Variants in CADM2 observed in about 807,000 individuals in gnomAD.
CADM2 encodes cell adhesion molecule 2.
A neutral mutation model predicts 49.8 loss-of-function variants in CADM2; 12 were observed. That is an observed-to-expected ratio of 0.24 (90% CI 0.15 to 0.39). The LOEUF (loss-of-function observed/expected upper bound fraction) is 0.39. Ranked by LOEUF, CADM2 falls within the 10% of genes least tolerant of loss-of-function variation. The pLI is 1.00. For synonymous variants in CADM2, 214 were observed against 175.4 expected (o/e 1.22, Z -1.74); for missense variants, 378 against 492.3 (o/e 0.77, Z 2.20).
At chr3:85,069,642 T>G (rs2036649617) in intron 1 of CADM2, among the ~76,000 whole-genome samples, 1 of 152,148 alleles carries the variant, frequency 6.6e-6, no homozygotes, top group South Asian at 2.1e-4. Flanking sequence ...TCATCAATAT[T>G]TGTAATTTGC....
At chr3:85,942,057 A>C (rs1577721495) in intron 7 of CADM2, among the ~76,000 whole-genome samples, 1 of 152,128 alleles carries the variant, frequency 6.6e-6, no homozygotes, top group African/African-American at 2.4e-5. Flanking sequence ...TTGGGATTAC[A>C]AACAAGTTTC....
intron 1 of CADM2, among the ~76,000 whole-genome samples, chr3:85,659,556 G>T (rs2065334621): frequency 6.6e-6 from 1 of 152,092 alleles, no homozygotes. Context: ...CAGGAAAGCA[G>T]GCTATTAGAA....
At chr3:85,552,367 T>TGTTTTTTTTTTTTTTTG (rs1491385754) in intron 1 of CADM2, among the ~76,000 whole-genome samples, 2 of 4,210 alleles carry the variant, frequency 4.8e-4, no homozygotes, top group African/African-American at 9.5e-4. Context: ...CTTTGAAAAG[T>TGTTTTTTTTTTTTTTTG]TTTTTTTTTT....
intron 8 of CADM2, among the ~76,000 whole-genome samples, chr3:86,046,278 T>C (rs2324978): frequency 2.6e-5 from 4 of 152,178 alleles, no homozygotes; most frequent in African/African-American, 9.7e-5. Context: ...TTTTCTAAAA[T>C]TTAGAAGTAT....
intron 1 of CADM2, among the ~76,000 whole-genome samples, chr3:85,667,956 T>G (rs2065621345): frequency 6.6e-6 from 1 of 152,028 alleles, no homozygotes; most frequent in East Asian, 1.9e-4. Context: ...CAGCTCTTAC[T>G]ATCTATTTCT....
chr3:84,982,740 T>G (rs572819791), intron 1 of CADM2, among the ~76,000 whole-genome samples: 1,565 of 136,634 alleles, frequency 0.011, 18 homozygotes, highest in Non-Finnish European at 0.019. Context: ...TATATACATT[T>G]TTTGTTTTTT....
chr3:85,453,413 G>C (rs947719774), intron 1 of CADM2, among the ~76,000 whole-genome samples: 1 of 151,848 alleles, frequency 6.6e-6, no homozygotes, highest in South Asian at 2.1e-4. Flanking sequence ...AGTGGTTATC[G>C]TATTCTTAAT....
intron 1 of CADM2, among the ~76,000 whole-genome samples, chr3:85,464,405 C>T (rs2038395930): frequency 6.6e-6 from 1 of 152,068 alleles, no homozygotes; most frequent in African/African-American, 2.4e-5. Context: ...ATTCAGGTTT[C>T]TTGAAGATCA....
At chr3:85,152,604 T>C (rs1043365998) in intron 1 of CADM2, among the ~76,000 whole-genome samples, 5 of 152,154 alleles carry the variant, frequency 3.3e-5, no homozygotes, top group African/African-American at 1.2e-4. Context: ...AGTTTTTCAG[T>C]TCACCATATA....
At chr3:85,227,369 C>T (rs1003325422) in intron 1 of CADM2, among the ~76,000 whole-genome samples, 2 of 151,488 alleles carry the variant, frequency 1.3e-5, no homozygotes, top group Non-Finnish European at 2.9e-5. Flanking sequence ...ATTCCTTTAC[C>T]ATTATGTAAT....
intron 1 of CADM2, among the ~76,000 whole-genome samples, chr3:85,179,197 T>C (rs1348379285): frequency 6.6e-6 from 1 of 151,952 alleles, no homozygotes; most frequent in African/African-American, 2.4e-5. Context: ...CTCCTTATAA[T>C]TTTCTGACTG....
intron 1 of CADM2, among the ~76,000 whole-genome samples, chr3:85,172,228 C>T (rs151103222): frequency 6.6e-6 from 1 of 152,138 alleles, no homozygotes; most frequent in East Asian, 1.9e-4. Context: ...TTGGAACCAC[C>T]TGATACTGCC....
intron 1 of CADM2, among the ~76,000 whole-genome samples, chr3:85,071,046 CTTA>C (rs1432668498): frequency 1.3e-5 from 2 of 150,122 alleles, no homozygotes; most frequent in Non-Finnish European, 3.0e-5. Context: ...AAATAAAATA[CTTA>C]TTATGTCTTG....
chr3:85,965,926 T>A (rs1725418991), intron 8 of CADM2, among the ~76,000 whole-genome samples: 2 of 151,716 alleles, frequency 1.3e-5, no homozygotes, highest in South Asian at 4.1e-4. Context: ...GACAGAAATG[T>A]ACAGGACCTG....
Position 85,359,666 on chromosome 3 carries a change from A to ATATATATATATTTTT in CADM2, c.62-366855_62-366854insATATATATATTTTTT. Among the ~76,000 whole-genome samples the ATATATATATATTTTT allele has an allele frequency of 2.4e-3, 65 of 26,548 alleles. 2 individuals are homozygous for ATATATATATATTTTT. Among genetic ancestry groups the ATATATATATATTTTT allele is most frequent in the South Asian group, 4.3e-3 (3 of 704 alleles). The allele number at this position is 26,548 out of a possible 152,430, so 17.4% of individuals were successfully genotyped here. The stretch of plus-strand genomic sequence containing the variant: ...TATATATATATATATATATATATAT[A>ATATATATATATTTTT]TTTTTTTTTTTGGTGGAGGGGAGAA... On this transcript the variant is annotated intron_variant, in intron 1 of 9. Transcript: ENST00000383699.
rs551289545 is a variant in CADM2, at chr3:85,215,867, A to C, written c.61+256199A>C. Among the ~76,000 whole-genome samples the C allele has an allele frequency of 2.0e-3, 306 of 152,156 alleles. 1 individual carries two copies. Among genetic ancestry groups the C allele is most frequent in the Non-Finnish European group, 3.0e-3 (206 of 68,006 alleles). On this transcript the variant is annotated intron_variant, in intron 1 of 9. Coordinates refer to ENST00000383699, the MANE Select transcript of CADM2 (RefSeq NM_001167675.2). Reference sequence around the variant, plus strand: ...ATGGGGCAACACTGAGTTGTGCTGCAAAATCTGACCATCACTGTGTTCTCC... The same window carrying C: ...ATGGGGCAACACTGAGTTGTGCTGCCAAATCTGACCATCACTGTGTTCTCC...
intron 1 of CADM2, among the ~76,000 whole-genome samples, chr3:85,206,421 C>A (rs113548289): frequency 1.3e-5 from 2 of 151,492 alleles, no homozygotes; most frequent in African/African-American, 4.9e-5. Flanking sequence ...CATTCTCCTG[C>A]CTCAGCCTCC....
intron 1 of CADM2, among the ~76,000 whole-genome samples, chr3:85,424,141 A>G (rs912875136): frequency 9.9e-5 from 15 of 152,148 alleles, no homozygotes; most frequent in Admixed American, 2.6e-4. Flanking sequence ...AATAGATTTT[A>G]AGTCTATTTC....
At chr3:85,053,615 A>C (rs576620074) in intron 1 of CADM2, among the ~76,000 whole-genome samples, 1 of 152,084 alleles carries the variant, frequency 6.6e-6, no homozygotes, top group East Asian at 1.9e-4. Flanking sequence ...TCTAGAAATT[A>C]AACTTGTTCC....
Sources: allele counts gnomAD v4.1 joint callset (sites outside exome capture counted in the v4.1 genomes callset), GRCh38; gene constraint gnomAD v4.1.1; transcripts MANE v1.5; gene names NCBI Gene and HGNC (gene_info 2026-07-23, HGNC 2026-07-21).